Variants in SLC24A1 observed in about 807,000 individuals in gnomAD.
SLC24A1 encodes solute carrier family 24 member 1, also known as sodium/potassium/calcium exchanger 1.
In SLC24A1, 52 loss-of-function variants were observed where a neutral mutation model predicts 88.1. The ratio of observed to expected loss-of-function variants is 0.59; its 90% CI spans 0.47 to 0.74. The LOEUF (loss-of-function observed/expected upper bound fraction) is 0.74. Ranked by LOEUF, SLC24A1 falls within the 30% of genes least tolerant of loss-of-function variation. The pLI, the probability that SLC24A1 is intolerant of heterozygous loss-of-function variation, is 0.00. For synonymous variants in SLC24A1, 455 were observed against 498.0 expected, an observed-to-expected ratio of 0.91 and a Z score of 1.15; for missense variants, 1,173 against 1,363.3, an observed-to-expected ratio of 0.86 and a Z score of 2.20.
rs1158743333 is a variant in SLC24A1, at chr15:65,627,144, A to G, written c.1890+1174A>G. ...AATGCACTTCCTTTAGACTTTTTAG[A>G]TAACATGTTGTTCTGGCCAAAGCAC... On this transcript the variant is annotated intron_variant, in intron 2 of 9. Coordinates refer to ENST00000261892, the MANE Select transcript of SLC24A1 (RefSeq NM_004727.3). Among the ~76,000 whole-genome samples the G allele has an allele frequency of 3.9e-5, 6 of 152,294 alleles. No individual in the cohort carries two copies. In the East Asian group the frequency reaches 1.2e-3, roughly 29 times the overall value.
At chr15:65,648,512 T>C (rs2075386144) in intron 6 of SLC24A1, among the ~76,000 whole-genome samples, 1 of 151,638 alleles carries the variant, frequency 6.6e-6, no homozygotes, top group South Asian at 2.1e-4. Flanking sequence ...GACTGAGTCT[T>C]GCTCTGTCGC....
chr15:65,631,865 C>T (rs1436328868), intron 2 of SLC24A1, among the ~76,000 whole-genome samples: 1 of 152,120 alleles, frequency 6.6e-6, no homozygotes, highest in Non-Finnish European at 1.5e-5. Flanking sequence ...CAGAGTCTCG[C>T]TCTGTTGCTA....
At chr15:65,647,410 G>A (rs926879250) in intron 6 of SLC24A1, among the ~76,000 whole-genome samples, 2 of 150,844 alleles carry the variant, frequency 1.3e-5, no homozygotes, top group Admixed American at 6.6e-5. Flanking sequence ...CTGTGGAGGC[G>A]GAGACTGCAG....
At chr15:65,648,574 C>T (rs915000924) in intron 6 of SLC24A1, among the ~76,000 whole-genome samples, 3 of 151,864 alleles carry the variant, frequency 2.0e-5, no homozygotes, top group Admixed American at 6.6e-5. Context: ...CTCTGCCTCC[C>T]GGGTTCAAGC....
chr15:65,650,783 GGAGGAA>G lies in SLC24A1; in HGVS notation c.2640_2645del (p.Glu889_Glu890del), dbSNP rs762161568. The G allele has an allele frequency of 1.1e-5, 18 of 1,612,404 alleles. No individual in the cohort carries two copies. The Middle Eastern group carries it at 9.9e-4, about 89-fold the overall frequency. On this transcript the variant is annotated inframe_deletion, in exon 7 of 10. Transcript: ENST00000261892. The surrounding 1 kb of genome is among the most constrained non-coding windows in gnomAD (Gnocchi z 4.1). ...AGGAAGAGGAGGAGGAGGAAGAGCA[GGAGGAA>G]GAGGAGGAGGAGGAGGAGGAAGAGG...
rs1276254682 is a variant in SLC24A1, at chr15:65,654,627, GA to G, written c.*556del. ...GTGAGTCTAAGGATCCAAGGCTACA[GA>G]AAAAAAAGAAATATAACAGGAATTA... On this transcript the variant is annotated 3_prime_UTR_variant, in exon 10 of 10. Transcript: ENST00000261892. The G allele has an allele frequency of 8.0e-7, 1 of 1,254,236 alleles. No homozygotes were observed. Among genetic ancestry groups the G allele is most frequent in the South Asian group, 1.3e-5 (1 of 74,922 alleles). The allele number at this position is 1,254,236 out of a possible 1,614,324, so 77.7% of individuals were successfully genotyped here. A position where few individuals can be genotyped will look rare whatever the true frequency, so the allele number is the denominator to read the frequency against.
chr15:65,650,484 C>T lies in SLC24A1; in HGVS notation c.2335C>T (p.Pro779Ser), dbSNP rs1178787196. Residue 779 changes from proline (P) to serine (S), a missense_variant, in exon 7 of 10, where the codon CCA becomes TCA. By Grantham distance (74) the Pro-to-Ser change is moderately conservative. Transcript: ENST00000261892. The surrounding 1 kb of genome is among the most constrained non-coding windows in gnomAD (Gnocchi z 4.1). ...TEEKSGGETQPEGEGETETQG... is the reference protein window; with the variant it reads ...TEEKSGGETQSEGEGETETQG... ...AGAGAAAAGTGGAGGTGAAACTCAA[C>T]CAGAAGGTGAAGGTGAAACTGAAAC... 6.4e-7 allele frequency: 1 copy of T among 1,551,230 alleles called. No individual in the cohort carries two copies. The highest frequency in any genetic ancestry group is 8.7e-7 in the Non-Finnish European group (1 of 1,146,898).
chr15:65,657,599 G>C (rs1052095119), downstream of SLC24A1, among the ~76,000 whole-genome samples: 7 of 152,200 alleles, frequency 4.6e-5, no homozygotes, highest in Non-Finnish European at 4.4e-5. Context: ...AGCCGAGATC[G>C]TGCCACTGCA....
At position 65,655,297 on chromosome 15, in the gene SLC24A1, C is replaced by G. The variant is rs1019894300; in HGVS notation, c.*1218C>G. The G allele has an allele frequency of 9.1e-6, 9 of 985,318 alleles. No individual in the cohort carries two copies. The Admixed American group carries it at 5.5e-4, about 61-fold the overall frequency. 61.0% of individuals were successfully genotyped at this position (985,318 alleles called of 1,614,324 possible). ...GGACAATGCTATTTTTGTATGCCAACCTAGATAGGATTATAAAGCAAGACT... is the reference window on the plus strand; with the variant it reads ...GGACAATGCTATTTTTGTATGCCAAGCTAGATAGGATTATAAAGCAAGACT... On this transcript the variant is annotated 3_prime_UTR_variant, in exon 10 of 10. Transcript: ENST00000261892.
chr15:65,652,508 A>T, intron 8 of SLC24A1, 134 bp from the exon 9 acceptor site: 1 of 714,212 alleles, frequency 1.4e-6, no homozygotes, highest in Non-Finnish European at 2.3e-6. Context: ...TCCCCCTATC[A>T]CCCTTCCTCA....
intron 3 of SLC24A1, among the ~76,000 whole-genome samples, chr15:65,639,376 G>T (rs1188084479): frequency 6.6e-6 from 1 of 152,194 alleles, no homozygotes; most frequent in Non-Finnish European, 1.5e-5. Context: ...AAATTATTCA[G>T]TACCTAAAAC....
At chr15:65,649,271 T>G (rs952180129) in intron 6 of SLC24A1, among the ~76,000 whole-genome samples, 6 of 152,122 alleles carry the variant, frequency 3.9e-5, no homozygotes, top group Admixed American at 3.3e-4. Context: ...AGCTAATTTT[T>G]GTATTTTTAG....
intron 2 of SLC24A1, among the ~76,000 whole-genome samples, 187 bp downstream of exon 2, chr15:65,626,157 T>C (rs894684892): frequency 6.6e-5 from 10 of 152,234 alleles, no homozygotes; most frequent in African/African-American, 2.2e-4. Context: ...TTTGTAAGCA[T>C]GACATTGGCT....
At position 65,650,363 on chromosome 15, in the gene SLC24A1, T is replaced by G. The variant is rs976485923; in HGVS notation, c.2233-19T>G. On this transcript the variant is annotated intron_variant, in intron 6 of 9. Transcript: ENST00000261892. This position sits in a 1 kb window ranked among gnomAD's most constrained non-coding sequence, Gnocchi z 4.1. ...GCAGAGCAGTTACCACACATTAATC[T>G]GTTGGTTTTGGATTGCAGGAAGATG... 2.6e-6 allele frequency: 4 copies of G among 1,543,870 alleles called. No individual in the cohort carries two copies. The African/African-American group carries it at 4.1e-5, about 16-fold the overall frequency.
In SLC24A1 at chr15:65,624,670, T is replaced by C; in HGVS notation, c.590T>C (p.Val197Ala). ...KYTPSPRGRR[V>A]GTYVPSTFMT... is the part of the protein sequence containing the mutation. ...ACTCCTTCCCCACGTGGTAGAAGAG[T>C]AGGCACTTACGTGCCGTCCACATTC... Residue 197 changes from valine (V) to alanine (A), a missense_variant, in exon 2 of 10, where the codon GTA (valine) becomes GCA (alanine). Coordinates refer to ENST00000261892, the MANE Select transcript of SLC24A1 (RefSeq NM_004727.3). 6.3e-7 allele frequency: 1 copy of C among 1,599,112 alleles called. No individual in the cohort carries two copies. Among genetic ancestry groups the C allele is most frequent in the Non-Finnish European group, 8.5e-7 (1 of 1,172,736 alleles).
chr15:65,637,989 T>G (rs2074996526), intron 2 of SLC24A1, 139 bp from the exon 3 acceptor site: 1 of 690,090 alleles, frequency 1.4e-6, no homozygotes, highest in Non-Finnish European at 2.7e-6. Context: ...GGATGGAACA[T>G]GTTGAAACAT....
rs754407932 is a variant in SLC24A1 at position 65,639,627 on chromosome 15, G to A, written c.1977G>A (p.Ser659=). 8.1e-6 allele frequency: 13 copies of A among 1,612,130 alleles called. No individual in the cohort carries two copies. The highest frequency in any genetic ancestry group is 1.1e-5 in the South Asian group (1 of 90,480). The change falls in exon 4 of 10, where the codon TCG becomes TCA. Residue 659 remains serine (S), a synonymous_variant. Transcript: ENST00000261892. ...LPSLLTRGSS[S]TSLHNSTIRS... ...CCTTGCTGACCCGAGGGAGCAGCTC[G>A]ACCTCTCTGCACAACAGCACCATCC...
chr15:65,655,687 C>T lies in SLC24A1; in HGVS notation c.*1608C>T, dbSNP rs886051358. On this transcript the variant is annotated 3_prime_UTR_variant, in exon 10 of 10. Transcript: ENST00000261892. ...ATTCACTGAAGATGAAAAGATAGGA[C>T]GGATGTGATATGAAAAAAACCCAAA... 33 of 985,018 alleles carry T rather than the reference C, an allele frequency of 3.4e-5. No homozygotes were observed. Among genetic ancestry groups the T allele is most frequent in the Admixed American group, 1.2e-4 (2 of 16,242 alleles). 61.0% of individuals were successfully genotyped at this position (985,018 alleles called of 1,614,324 possible). A position where few individuals can be genotyped will look rare whatever the true frequency, so the allele number is the denominator to read the frequency against.
chr15:65,631,715 A>T (rs186414431), intron 2 of SLC24A1, among the ~76,000 whole-genome samples: 20 of 152,336 alleles, frequency 1.3e-4, no homozygotes, highest in Non-Finnish European at 2.1e-4. Flanking sequence ...AGTTTGGTGC[A>T]AAAGTAATTG....
Sources: allele counts gnomAD v4.1 joint callset (sites outside exome capture counted in the v4.1 genomes callset), GRCh38; gene constraint gnomAD v4.1.1; non-coding constraint Gnocchi (gnomAD v3.1); transcripts MANE v1.5; gene names NCBI Gene and HGNC (gene_info 2026-07-23, HGNC 2026-07-21).